Variants in NOTCH2 observed in about 807,000 individuals in gnomAD.
NOTCH2 encodes the protein notch receptor 2.
A neutral mutation model predicts 235.8 loss-of-function variants in NOTCH2; 29 were observed. The ratio of observed to expected loss-of-function variants is 0.12; its 90% confidence interval spans 0.09 to 0.17. The LOEUF is 0.17. Ranked by LOEUF, NOTCH2 falls within the 10% of genes least tolerant of loss-of-function variation. The pLI is 1.00. For synonymous variants in NOTCH2, 1,086 were observed against 1,141.5 expected (o/e 0.95, Z 0.98); for missense variants, 2,285 against 3,150.2 (o/e 0.73, Z 6.57).
At chr1:119,952,575 G>A (rs770824378) in intron 14 of NOTCH2, among the ~76,000 whole-genome samples, 3 of 152,100 alleles carry the variant, frequency 2.0e-5, no homozygotes, top group East Asian at 1.9e-4. Flanking sequence ...AATAGGGTTC[G>A]CAGTCCTATG....
chr1:119,926,279 G>A (rs587631430), intron 24 of NOTCH2, among the ~76,000 whole-genome samples: 34 of 152,308 alleles, frequency 2.2e-4, no homozygotes, highest in African/African-American at 7.5e-4. Context: ...GAAGCTCACT[G>A]TTTCTGGGAG....
intron 2 of NOTCH2, among the ~76,000 whole-genome samples, chr1:120,013,547 TC>T (rs1653296312): frequency 6.6e-6 from 1 of 151,808 alleles, no homozygotes; most frequent in South Asian, 2.1e-4. Context: ...TTCCACAAAA[TC>T]CATCTCTACT....
intron 2 of NOTCH2, among the ~76,000 whole-genome samples, chr1:120,027,309 TC>T (rs1235871845): frequency 1.5e-5 from 2 of 137,286 alleles, no homozygotes; most frequent in Non-Finnish European, 3.1e-5. Context: ...AAACCTTCTT[TC>T]CCCATGTCAG....
intron 11 of NOTCH2, 95 bp from the exon 12 acceptor site, chr1:119,959,597 G>A: frequency 1.3e-6 from 1 of 760,172 alleles, no homozygotes; most frequent in Non-Finnish European, 2.4e-6. Context: ...GAAATCTAAG[G>A]TGAATTCCAG....
At chr1:119,921,655 A>T in intron 29 of NOTCH2, 58 bp downstream of exon 29, 1 of 1,446,512 alleles carries the variant, frequency 6.9e-7, no homozygotes, top group Non-Finnish European at 9.7e-7. Flanking sequence ...AAAGGACAGA[A>T]ATTTGAAATG....
intron 31 of NOTCH2, 117 bp from the exon 32 acceptor site, chr1:119,918,670 G>C: frequency 1.0e-6 from 1 of 989,636 alleles, no homozygotes; most frequent in Non-Finnish European, 1.6e-6. Context: ...TGGAGGAGAG[G>C]GAAAGTCTTG....
Position 119,967,581 on chromosome 1 carries a change from G to A in NOTCH2, c.1305C>T (p.Asn435=), listed in dbSNP as rs1553199840. Residue 435 remains asparagine, a synonymous_variant, in exon 8 of 34, where the codon AAC becomes AAT. Coordinates refer to ENST00000256646, the MANE Select transcript of NOTCH2 (RefSeq NM_024408.4). ...ACTCACAGTGGAAGGCGCCATCCGT[G>A]TTCACACATTTTCCTGCATGCTCAC... ...NPCEHAGKCV[N]TDGAFHCECL... is the part of the protein sequence containing the mutation. 1.2e-6 allele frequency: 2 copies of A among 1,614,108 alleles called. No individual in the cohort carries two copies. Among genetic ancestry groups the A allele is most frequent in the Non-Finnish European group, 8.5e-7 (1 of 1,179,990 alleles).
chr1:119,916,572 A>T lies in NOTCH2; in HGVS notation c.6150T>A (p.Ala2050=), dbSNP rs764208739. 2.5e-6 allele frequency: 4 copies of T among 1,614,156 alleles called. No homozygotes were observed. In the East Asian group the frequency reaches 8.9e-5, roughly 36 times the overall value. ...DHMDRLPRDV[A]RDRMHHDIVR... ...CAATGTCATGGTGCATGCGATCCCG[A>T]GCCACATCCCGGGGAAGACGATCCA... The change falls in exon 34 of 34, where the codon GCT becomes GCA. Residue 2050 remains alanine, a synonymous_variant. Coordinates refer to ENST00000256646, the MANE Select transcript of NOTCH2 (RefSeq NM_024408.4).
chr1:119,917,804 C>G (rs1184464015), intron 32 of NOTCH2, 42 bp from the exon 33 acceptor site: 9 of 1,173,478 alleles, frequency 7.7e-6, no homozygotes, highest in Non-Finnish European at 1.0e-5. Flanking sequence ...ATATCCTACT[C>G]TTAGTATAAG....
intron 2 of NOTCH2, among the ~76,000 whole-genome samples, chr1:120,009,390 A>G (rs1171882937): frequency 6.6e-6 from 1 of 151,378 alleles, no homozygotes; most frequent in Non-Finnish European, 1.5e-5. Context: ...TCTATTTAAA[A>G]TGTTTTAGAG....
intron 5 of NOTCH2, among the ~76,000 whole-genome samples, chr1:119,984,300 G>A (rs1473585116): frequency 3.3e-5 from 5 of 152,108 alleles, no homozygotes. Flanking sequence ...AAAGACTACA[G>A]ATTTGAGCAA....
intron 15 of NOTCH2, among the ~76,000 whole-genome samples, chr1:119,949,463 T>G (rs781820437): frequency 1.3e-5 from 2 of 148,924 alleles, no homozygotes; most frequent in Non-Finnish European, 3.0e-5. Flanking sequence ...CTCGGCTCAC[T>G]GCAACCTCCA....
rs2101130747 is a variant in NOTCH2 at position 119,959,478 on chromosome 1, T to A, written c.1940A>T (p.Asp647Val). 6.2e-7 allele frequency: 1 copy of A among 1,604,470 alleles called. No individual in the cohort carries two copies. Among genetic ancestry groups the A allele is most frequent in the East Asian group, 2.2e-5 (1 of 44,820 alleles). The part of the protein sequence containing the change: ...TSGVNCEINF[D>V]DCASNPCIHG... ...GATACAAGGGTTACTTGCACAGTCA[T>A]CAAAATTAATTTCACAATTAACCCC... Residue 647 changes from aspartate (D) to valine (V), a missense_variant, in exon 12 of 34, where the codon GAT becomes GTT. Asp to Val is a radical substitution (Grantham distance 152). Around this residue, in one of 6 missense-constraint regions of NOTCH2, gnomAD observed 431 missense variants for 757.8 expected, o/e 0.57. Coordinates refer to ENST00000256646, the MANE Select transcript of NOTCH2 (RefSeq NM_024408.4).
chr1:119,937,948 T>C lies in NOTCH2; in HGVS notation c.3246A>G (p.Lys1082=), dbSNP rs782319639. 5 of 1,614,034 alleles carry C rather than the reference T, an allele frequency of 3.1e-6. No homozygotes were observed. Among genetic ancestry groups the C allele is most frequent in the Admixed American group, 1.7e-5 (1 of 60,000 alleles). ...CKNKGTCVQK[K]AESQCLCPSG... ...ATGGACATAGGCACTGGGACTCTGC[T>C]TTTTTCTGAACGCAAGTACCTTTGT... The change falls in exon 20 of 34, where the codon AAA becomes AAG. Residue 1082 remains lysine (K), a synonymous_variant. Coordinates refer to ENST00000256646, the MANE Select transcript of NOTCH2 (RefSeq NM_024408.4).
Position 119,955,196 on chromosome 1 carries a change from G to A in NOTCH2, c.2063C>T (p.Ser688Phe), listed in dbSNP as rs371567728. ...RCNIDIDECA[S>F]NPCRKGATCI... ...TGTTGCACCCTTGCGACAGGGATTG[G>A]AGGCACACTCATCAATGTCAATGTT... The change falls in exon 13 of 34, where the codon TCC becomes TTC. Residue 688 changes from serine (S) to phenylalanine (F), a missense_variant. This residue lies in a region of NOTCH2 where 1,173 missense variants were observed against 1,515.3 expected (regional missense o/e 0.77). Transcript: ENST00000256646. The A allele has an allele frequency of 1.0e-4, 162 of 1,614,026 alleles. No homozygotes were observed. Among genetic ancestry groups the A allele is most frequent in the Non-Finnish European group, 1.4e-4 (161 of 1,180,006 alleles).
At chr1:120,028,871 A>T (rs1653976848) in intron 2 of NOTCH2, among the ~76,000 whole-genome samples, 1 of 151,656 alleles carries the variant, frequency 6.6e-6, no homozygotes, top group Admixed American at 6.6e-5. Context: ...GAATGGATAC[A>T]TATTCCTCTT....
rs2101142144 is a variant in NOTCH2, at chr1:119,915,686, C to T, written c.7036G>A (p.Ala2346Thr). The change falls in exon 34 of 34, where the codon GCC (alanine) becomes ACC (threonine). Residue 2346 changes from alanine (A) to threonine (T), a missense_variant. Transcript: ENST00000256646. ...GGGAAAGCCACACTGGGCAAACGGG[C>T]CATTTCTGGAATCTGGTACATGGTG... ...LPTMYQIPEM[A>T]RLPSVAFPTA... 6.2e-7 allele frequency: 1 copy of T among 1,612,546 alleles called. No individual in the cohort carries two copies. The highest frequency in any genetic ancestry group is 8.5e-7 in the Non-Finnish European group (1 of 1,179,078).
intron 6 of NOTCH2, 28 bp from the exon 7 acceptor site, chr1:119,968,260 T>C (rs782162645): frequency 5.5e-5 from 88 of 1,610,850 alleles, no homozygotes; most frequent in Non-Finnish European, 7.1e-5. Context: ...AAAGGACAAC[T>C]AAGAGAAAAT....
At chr1:119,989,073 C>T (rs368676259) in intron 4 of NOTCH2, among the ~76,000 whole-genome samples, 3 of 152,318 alleles carry the variant, frequency 2.0e-5, no homozygotes, top group South Asian at 4.1e-4. Flanking sequence ...GTAGGTAAGA[C>T]AGTTATTTCA....
Sources: gnomAD v4.1 joint callset for allele counts (sites outside exome capture counted in the v4.1 genomes callset) on GRCh38, gnomAD v4.1.1 for gene constraint, gnomAD v4.1.1 regional missense constraint, MANE v1.5 for transcripts, NCBI Gene and HGNC (gene_info 2026-07-23, HGNC 2026-07-21) for gene names.